Variants in MAP1B observed in about 807,000 individuals in gnomAD.
MAP1B encodes microtubule-associated protein 1B.
A neutral mutation model predicts 176.1 loss-of-function variants in MAP1B; 12 were observed. That is an observed-to-expected ratio of 0.07 (90% CI 0.04 to 0.11). The LOEUF (loss-of-function observed/expected upper bound fraction) is 0.11, where lower values mean the gene tolerates loss of function less well. Ranked by LOEUF, MAP1B falls within the 10% of genes least tolerant of loss-of-function variation. The pLI, the probability that MAP1B is intolerant of heterozygous loss-of-function variation, is 1.00. For synonymous variants in MAP1B, 1,044 were observed against 1,135.0 expected (o/e 0.92, Z 1.61); for missense variants, 2,523 against 2,990.5 (o/e 0.84, Z 3.65).
chr5:72,161,956 C>CAAAAAAAAAAAA (rs4043357), intron 2 of MAP1B, among the ~76,000 whole-genome samples: 2 of 84,994 alleles, frequency 2.4e-5, no homozygotes, highest in East Asian at 3.2e-4. Flanking sequence ...AATTCCGTCT[C>CAAAAAAAAAAAA]AAAAAAAAAA....
At position 72,199,829 on chromosome 5, in the gene MAP1B, C is replaced by T. The variant is rs764147644; in HGVS notation, c.6474C>T (p.Thr2158=). The T allele has an allele frequency of 1.5e-5, 25 of 1,613,994 alleles. No individual in the cohort carries two copies. The highest frequency in any genetic ancestry group is 1.2e-4 in the South Asian group (11 of 91,074). The change falls in exon 5 of 7, where the codon ACC becomes ACT. Residue 2158 remains threonine, a synonymous_variant. Transcript: ENST00000296755. The surrounding 1 kb of genome is among the most constrained non-coding windows in gnomAD (Gnocchi z 4.2). ...TCAGCGAGTCAGCCCCATCCCAGAC[C>T]GACTCTGATGTTCCCCCGGAGACTG... ...TSVSESAPSQ[T]DSDVPPETEE... is the part of the protein sequence containing the mutation.
At chr5:72,185,217 G>A (rs1746868270) in intron 3 of MAP1B, among the ~76,000 whole-genome samples, 1 of 152,182 alleles carries the variant, frequency 6.6e-6, no homozygotes, top group African/African-American at 2.4e-5. Context: ...GGACACTTGA[G>A]TTGCTTCCAC....
intron 2 of MAP1B, among the ~76,000 whole-genome samples, chr5:72,129,629 G>A (rs547684041): frequency 1.5e-4 from 22 of 151,096 alleles, no homozygotes; most frequent in Admixed American, 2.0e-4. Context: ...CTTTCCTTCC[G>A]TTGTTTTCTC....
intron 2 of MAP1B, among the ~76,000 whole-genome samples, chr5:72,131,082 C>T (rs758914671): frequency 2.0e-5 from 3 of 152,126 alleles, no homozygotes; most frequent in African/African-American, 4.8e-5. Context: ...AGTCCCTATA[C>T]GGTCTCCCAT....
chr5:72,203,899 G>A (rs921580172), intron 6 of MAP1B, 98 bp downstream of exon 6: 78 of 1,110,398 alleles, frequency 7.0e-5, no homozygotes, highest in African/African-American at 2.2e-4. Flanking sequence ...GTGGCTGATC[G>A]TGGATCCACA....
At chr5:72,129,205 G>T (rs1365365250) in intron 2 of MAP1B, among the ~76,000 whole-genome samples, 1 of 152,170 alleles carries the variant, frequency 6.6e-6, no homozygotes, top group African/African-American at 2.4e-5. Context: ...TATGTGTATG[G>T]CTTTGTTTTT....
chr5:72,124,520 T>C (rs1040777999), intron 2 of MAP1B, among the ~76,000 whole-genome samples: 1 of 152,226 alleles, frequency 6.6e-6, no homozygotes, highest in African/African-American at 2.4e-5. Flanking sequence ...TTTTATTGAA[T>C]GTGGCTCCTC....
chr5:72,177,223 A>G (rs1191249398), intron 2 of MAP1B, among the ~76,000 whole-genome samples: 1 of 152,098 alleles, frequency 6.6e-6, no homozygotes, highest in East Asian at 1.9e-4. Flanking sequence ...GGTTGCCTCG[A>G]TCCTTCTCCT....
At chr5:72,127,720 A>G (rs1357080824) in intron 2 of MAP1B, among the ~76,000 whole-genome samples, 1 of 152,268 alleles carries the variant, frequency 6.6e-6, no homozygotes, top group African/African-American at 2.4e-5. Flanking sequence ...AACATTAATG[A>G]TAATATATCC....
chr5:72,155,535 T>C (rs1297577028), intron 2 of MAP1B, among the ~76,000 whole-genome samples: 1 of 152,226 alleles, frequency 6.6e-6, no homozygotes. Flanking sequence ...AGGTCCTTCA[T>C]TGTGACAATA....
chr5:72,157,785 A>C lies in MAP1B; in HGVS notation c.287-25958A>C, dbSNP rs996481257. 5.9e-5 allele frequency among the ~76,000 whole-genome samples: 9 copies of C among 152,230 alleles called. No individual in the cohort carries two copies. The East Asian group carries it at 1.7e-3, about 29-fold the overall frequency. ...TGGACTGTGGGAAATGACAGTGCTG[A>C]AGGAAATAATACAGGCAAAGCAGTT... On this transcript the variant is annotated intron_variant, in intron 2 of 6. Transcript: ENST00000296755.
At chr5:72,134,757 A>G (rs757198587) in intron 2 of MAP1B, among the ~76,000 whole-genome samples, 1 of 151,728 alleles carries the variant, frequency 6.6e-6, no homozygotes, top group Non-Finnish European at 1.5e-5. Context: ...CAAAGCTCAC[A>G]ATGGCCTGGG....
Position 72,203,652 on chromosome 5 carries a change from A to G in MAP1B, c.7102A>G (p.Asn2368Asp). ...LDLCYIPNHS[N>D]SKNVDVEFFK... ...CCTGTGCTACATTCCTAACCACAGCAATAGTAAGAATGTTGATGTGGAATT... is the reference window on the plus strand; with the variant it reads ...CCTGTGCTACATTCCTAACCACAGCGATAGTAAGAATGTTGATGTGGAATT... The change falls in exon 6 of 7, where the codon AAT becomes GAT. Residue 2368 changes from asparagine (N) to aspartate (D), a missense_variant. Transcript: ENST00000296755. 1 of 1,614,178 alleles carries G rather than the reference A, an allele frequency of 6.2e-7. No individual in the cohort carries two copies. Among genetic ancestry groups the G allele is most frequent in the Non-Finnish European group, 8.5e-7 (1 of 1,180,024 alleles).
chr5:72,167,517 G>A (rs934408005), intron 2 of MAP1B, among the ~76,000 whole-genome samples: 21 of 152,168 alleles, frequency 1.4e-4, no homozygotes, highest in African/African-American at 4.6e-4. Context: ...TCATCCATCT[G>A]TAAGAAAACT....
intron 2 of MAP1B, among the ~76,000 whole-genome samples, chr5:72,124,451 A>T (rs920132860): frequency 6.6e-6 from 1 of 152,234 alleles, no homozygotes; most frequent in Admixed American, 6.5e-5. Context: ...GAGCGTCTAC[A>T]TGTGATTTAA....
At chr5:72,173,684 G>T (rs778811717) in intron 2 of MAP1B, among the ~76,000 whole-genome samples, 1 of 152,160 alleles carries the variant, frequency 6.6e-6, no homozygotes, top group Non-Finnish European at 1.5e-5. Context: ...CAAATGCTGG[G>T]ATTATTCTAT....
intron 2 of MAP1B, among the ~76,000 whole-genome samples, chr5:72,121,149 C>T (rs1462700526): frequency 1.3e-5 from 2 of 152,154 alleles, no homozygotes; most frequent in African/African-American, 2.4e-5. Context: ...CTGTGGGTGC[C>T]CACGCAAGGG....
At chr5:72,111,778 AT>A (rs1745347576) in intron 1 of MAP1B, among the ~76,000 whole-genome samples, 1 of 152,220 alleles carries the variant, frequency 6.6e-6, no homozygotes, top group Non-Finnish European at 1.5e-5. Context: ...CTTTAAAAAA[AT>A]AAGTTATAAC....
rs1747187037 is a variant in MAP1B at position 72,196,909 on chromosome 5, G to C, written c.3554G>C (p.Gly1185Ala). 3 of 1,614,176 alleles carry C rather than the reference G, an allele frequency of 1.9e-6. No individual in the cohort carries two copies. Among genetic ancestry groups the C allele is most frequent in the Non-Finnish European group, 2.5e-6 (3 of 1,180,022 alleles). The change falls in exon 5 of 7, where the codon GGA becomes GCA. Residue 1185 changes from glycine to alanine, a missense_variant. This residue lies in a region of MAP1B where 1,925 missense variants were observed against 2,126.0 expected (regional missense o/e 0.91). Coordinates refer to ENST00000296755, the MANE Select transcript of MAP1B (RefSeq NM_005909.5). The surrounding 1 kb of genome is among the most constrained non-coding windows in gnomAD (Gnocchi z 5.3). ...SKPADVTPLN[G>A]FSEGSKTDAT... The stretch of plus-strand genomic sequence containing the variant: ...CCTGCTGATGTTACACCGCTCAACG[G>C]ATTTTCTGAAGGATCAAAAACAGAT...
Sources: allele counts gnomAD v4.1 joint callset (sites outside exome capture counted in the v4.1 genomes callset), GRCh38; gene constraint gnomAD v4.1.1; regional missense constraint gnomAD v4.1.1; non-coding constraint Gnocchi (gnomAD v3.1); transcripts MANE v1.5; gene names NCBI Gene and HGNC (gene_info 2026-07-23, HGNC 2026-07-21).